CTNNA3: variants seen among roughly 807,000 people sequenced by gnomAD.
The protein encoded by CTNNA3 is catenin alpha-3.
In CTNNA3, 76 loss-of-function variants were observed where a neutral mutation model predicts 95.7. The ratio of observed to expected loss-of-function variants is 0.79; its 90% CI spans 0.66 to 0.96. The LOEUF (loss-of-function observed/expected upper bound fraction) is 0.96, where lower values mean the gene tolerates loss of function less well. Among genes scored for constraint, CTNNA3 ranks in the 40% least tolerant of loss-of-function variants. The pLI is 0.00. For missense variants in CTNNA3, 1,191 were observed against 1,089.8 expected (o/e 1.09, Z -1.31); for synonymous variants, 431 against 374.4 (o/e 1.15, Z -1.74).
chr10:66,651,428 G>A (rs891673861), intron 9 of CTNNA3, among the ~76,000 whole-genome samples: 2 of 150,690 alleles, frequency 1.3e-5, no homozygotes, highest in African/African-American at 4.9e-5. Flanking sequence ...AGGATCCCTG[G>A]GCTGAGCTGC....
intron 15 of CTNNA3, among the ~76,000 whole-genome samples, chr10:66,019,116 A>G (rs1311190773): frequency 6.6e-6 from 1 of 152,152 alleles, no homozygotes; most frequent in Non-Finnish European, 1.5e-5. Flanking sequence ...TGAGAGCTTT[A>G]TTGCAGAGAA....
intron 7 of CTNNA3, among the ~76,000 whole-genome samples, chr10:67,132,802 A>C (rs776653745): frequency 3.3e-5 from 5 of 152,048 alleles, no homozygotes; most frequent in Non-Finnish European, 7.4e-5. Flanking sequence ...TGTTAAGTGA[A>C]ATAAGCCAGG....
At chr10:67,093,172 A>AT (rs11372624) in intron 7 of CTNNA3, among the ~76,000 whole-genome samples, 83,462 of 151,714 alleles carry the variant, frequency 0.55, 24,592 homozygotes, top group African/African-American at 0.77. Flanking sequence ...GACACTTTAA[A>AT]TAGAGCCTTC....
intron 7 of CTNNA3, among the ~76,000 whole-genome samples, chr10:66,967,630 C>T (rs1330069492): frequency 1.3e-5 from 2 of 151,736 alleles, no homozygotes; most frequent in Non-Finnish European, 2.9e-5. Flanking sequence ...AATAATTTTC[C>T]CAGATCAAAT....
intron 1 of CTNNA3, among the ~76,000 whole-genome samples, chr10:67,718,753 C>T (rs539895811): frequency 1.6e-4 from 25 of 152,160 alleles, no homozygotes; most frequent in African/African-American, 5.8e-4. Context: ...GGGATGTTGG[C>T]CTGAAATTTT....
intron 7 of CTNNA3, among the ~76,000 whole-genome samples, chr10:66,991,755 C>T (rs758110351): frequency 6.6e-6 from 1 of 152,158 alleles, no homozygotes; most frequent in African/African-American, 2.4e-5. Flanking sequence ...GAACTCTGTG[C>T]TGTTTAAACT....
intron 7 of CTNNA3, among the ~76,000 whole-genome samples, chr10:67,061,142 T>C (rs2133219480): frequency 6.6e-6 from 1 of 152,160 alleles, no homozygotes; most frequent in Admixed American, 6.5e-5. Context: ...TAGTGAAAAA[T>C]AACAGAGCTT....
chr10:67,613,752 G>A (rs540955395), intron 2 of CTNNA3, among the ~76,000 whole-genome samples: 38 of 151,648 alleles, frequency 2.5e-4, no homozygotes, highest in African/African-American at 8.4e-4. Flanking sequence ...TTCTAGGGCT[G>A]CCATAACAAA....
At chr10:67,285,029 T>C (rs1839543231) in intron 5 of CTNNA3, among the ~76,000 whole-genome samples, 1 of 152,176 alleles carries the variant, frequency 6.6e-6, no homozygotes. Flanking sequence ...TTCATGTTCC[T>C]GGAATTTGTG....
intron 5 of CTNNA3, among the ~76,000 whole-genome samples, chr10:67,426,490 G>T (rs1028384872): frequency 6.6e-6 from 1 of 152,102 alleles, no homozygotes; most frequent in African/African-American, 2.4e-5. Context: ...TAAAGGATGA[G>T]TTCATGTCCT....
intron 9 of CTNNA3, among the ~76,000 whole-genome samples, chr10:66,642,631 T>C (rs904343404): frequency 1.3e-5 from 2 of 152,188 alleles, no homozygotes; most frequent in East Asian, 1.9e-4. Flanking sequence ...TAAATATAAA[T>C]GCCCGCCATT....
intron 11 of CTNNA3, among the ~76,000 whole-genome samples, chr10:66,479,317 C>T (rs1160848664): frequency 6.6e-6 from 1 of 151,882 alleles, no homozygotes; most frequent in Non-Finnish European, 1.5e-5. Flanking sequence ...CTCATGCTGG[C>T]TGGTAGGGCA....
intron 7 of CTNNA3, among the ~76,000 whole-genome samples, chr10:67,035,963 CTTTTT>C (rs1027706976): frequency 6.6e-6 from 1 of 152,020 alleles, no homozygotes; most frequent in African/African-American, 2.4e-5. Flanking sequence ...TCTTGCTTTT[CTTTTT>C]TGACAAAAAC....
At chr10:66,810,282 G>T (rs1041269199) in intron 7 of CTNNA3, among the ~76,000 whole-genome samples, 1 of 152,118 alleles carries the variant, frequency 6.6e-6, no homozygotes, top group Non-Finnish European at 1.5e-5. Context: ...GTATGAAGAT[G>T]TTCTGGCTTA....
intron 1 of CTNNA3, among the ~76,000 whole-genome samples, chr10:67,733,686 C>T (rs948163498): frequency 2.6e-5 from 4 of 152,180 alleles, no homozygotes; most frequent in African/African-American, 9.6e-5. Flanking sequence ...AATACTCACT[C>T]CACTACAAGT....
chr10:67,270,484 CTTAAG>C (rs1478322927), intron 5 of CTNNA3, among the ~76,000 whole-genome samples: 2 of 152,108 alleles, frequency 1.3e-5, no homozygotes, highest in Non-Finnish European at 1.5e-5. Flanking sequence ...AAAAATAGTA[CTTAAG>C]TTAATACACT....
intron 13 of CTNNA3, among the ~76,000 whole-genome samples, chr10:66,122,317 A>G (rs2082618022): frequency 6.6e-6 from 1 of 152,210 alleles, no homozygotes; most frequent in Admixed American, 6.5e-5. Context: ...AAGAGAAAAA[A>G]AATTACTTAA....
chr10:67,574,940 G>A (rs547328511), intron 3 of CTNNA3, among the ~76,000 whole-genome samples: 5 of 152,200 alleles, frequency 3.3e-5, no homozygotes, highest in South Asian at 2.1e-4. Flanking sequence ...GCATTTGTTC[G>A]TTAGCTAATA....
chr10:66,872,418 T>A (rs1031608423), intron 7 of CTNNA3, among the ~76,000 whole-genome samples: 1 of 152,098 alleles, frequency 6.6e-6, no homozygotes, highest in Non-Finnish European at 1.5e-5. Context: ...CCTGTAATAC[T>A]AGTATTTTGG....
Sources: gnomAD v4.1 joint callset for allele counts (sites outside exome capture counted in the v4.1 genomes callset) on GRCh38, gnomAD v4.1.1 for gene constraint, MANE v1.5 for transcripts, NCBI Gene and HGNC (gene_info 2026-07-23, HGNC 2026-07-21) for gene names.